Variants in DOCK7 observed in about 807,000 individuals in gnomAD.
DOCK7 encodes dedicator of cytokinesis 7.
A neutral mutation model predicts 271.0 loss-of-function variants in DOCK7; 138 were observed. The observed-to-expected ratio is 0.51, with a 90% CI of 0.44 to 0.59. The LOEUF (loss-of-function observed/expected upper bound fraction) is 0.59, where lower values mean the gene tolerates loss of function less well. Ranked by LOEUF, DOCK7 falls within the 20% of genes least tolerant of loss-of-function variation. The probability of loss-of-function intolerance (pLI) is 0.00; values close to 1 mark genes in which losing one functional copy is unlikely to be tolerated. For synonymous variants in DOCK7, 823 were observed against 876.1 expected, an observed-to-expected ratio of 0.94 and a Z score of 1.07; for missense variants, 2,066 against 2,592.4, an observed-to-expected ratio of 0.80 and a Z score of 4.41.
At chr1:62,618,507 A>G (rs1399455881) in intron 14 of DOCK7, among the ~76,000 whole-genome samples, 199 bp downstream of exon 14, 1 of 152,206 alleles carries the variant, frequency 6.6e-6, no homozygotes, top group Non-Finnish European at 1.5e-5. Flanking sequence ...AAAAAGATAA[A>G]GCATGTAAGG....
chr1:62,644,716 T>G (rs1250776405), intron 7 of DOCK7, among the ~76,000 whole-genome samples: 1 of 152,194 alleles, frequency 6.6e-6, no homozygotes, highest in Non-Finnish European at 1.5e-5. Flanking sequence ...GTAAGAGAAA[T>G]GATTTTCAAA....
At chr1:62,513,690 T>C in intron 32 of DOCK7, 26 bp downstream of exon 32, 23 of 1,609,134 alleles carry the variant, frequency 1.4e-5, no homozygotes, top group Non-Finnish European at 1.8e-5. Context: ...TTTCTTGTTC[T>C]TTGCAATGGT....
At chr1:62,518,741 A>G (rs1326627365) in intron 31 of DOCK7, among the ~76,000 whole-genome samples, 1 of 152,204 alleles carries the variant, frequency 6.6e-6, no homozygotes, top group East Asian at 1.9e-4. Flanking sequence ...CCCTTTCTCA[A>G]CAACAGCAAC....
At chr1:62,468,271 G>GA (rs568274452) in intron 48 of DOCK7, among the ~76,000 whole-genome samples, 6 of 147,746 alleles carry the variant, frequency 4.1e-5, no homozygotes, top group African/African-American at 7.6e-5. Context: ...TGAGGCAGGA[G>GA]AATCGCTTGA....
Position 62,688,258 on chromosome 1 carries a change from C to T in DOCK7, c.7G>A (p.Glu3Lys), listed in dbSNP as rs1662078590. MA[E>K]RRAFAQKISR... ...ATCTTCTGGGCGAAGGCGCGGCGCTCGGCCATGGCTGCTGCGGCGACGGCG... is the reference window on the plus strand; with the variant it reads ...ATCTTCTGGGCGAAGGCGCGGCGCTTGGCCATGGCTGCTGCGGCGACGGCG... Residue 3 changes from glutamate (E) to lysine (K), a missense_variant, in exon 1 of 50, where the codon GAG becomes AAG. By Grantham distance (56) the Glu-to-Lys change is moderately conservative. Coordinates refer to ENST00000635253, the MANE Select transcript of DOCK7 (RefSeq NM_001367561.1). 1.5e-6 allele frequency: 2 copies of T among 1,358,110 alleles called. No homozygotes were observed. Among genetic ancestry groups the T allele is most frequent in the East Asian group, 3.4e-5 (1 of 29,578 alleles). The allele number at this position is 1,358,110 out of a possible 1,614,324, so 84.1% of individuals were successfully genotyped here.
At chr1:62,510,156 A>G (rs1286264799) in intron 34 of DOCK7, among the ~76,000 whole-genome samples, 1 of 152,216 alleles carries the variant, frequency 6.6e-6, no homozygotes, top group East Asian at 1.9e-4. Context: ...CAGTCAATGT[A>G]TCAAGTCTGC....
At position 62,584,819 on chromosome 1, in the gene DOCK7, A is replaced by G. The variant is rs1042125852; in HGVS notation, c.1801-1565T>C. ...CCCATGAAAGAAGTGAGAAGATGCT[A>G]TGGTAGCACCAAAGAGGGAGAGGTC... On this transcript the variant is annotated intron_variant, in intron 15 of 49. Transcript: ENST00000635253. 2.1e-5 allele frequency: 15 copies of G among 730,728 alleles called. No individual in the cohort carries two copies. The highest frequency in any genetic ancestry group is 2.8e-5 in the Non-Finnish European group (11 of 397,176). The allele number at this position is 730,728 out of a possible 1,614,324, so 45.3% of individuals were successfully genotyped here. A position where few individuals can be genotyped will look rare whatever the true frequency, so the allele number is the denominator to read the frequency against.
At chr1:62,518,920 G>A (rs1571375874) in intron 31 of DOCK7, among the ~76,000 whole-genome samples, 1 of 150,552 alleles carries the variant, frequency 6.6e-6, no homozygotes, top group East Asian at 1.9e-4. Context: ...TAAGATACAA[G>A]AAAAAAATCT....
intron 14 of DOCK7, among the ~76,000 whole-genome samples, chr1:62,587,222 C>T (rs1222529164): frequency 6.8e-6 from 1 of 148,144 alleles, no homozygotes; most frequent in African/African-American, 2.5e-5. Flanking sequence ...CTCATCATCT[C>T]TATCATAGAC....
At position 62,625,270 on chromosome 1, in the gene DOCK7, AATTT is replaced by A; in HGVS notation, c.1410_1413del (p.Asn471PhefsTer9). ...TGACAGAACAATACCTGCTTAAAAAAATTTGTCACTGTGAGAGTAGCTGGTCGAA... is the reference window on the plus strand; with the variant it reads ...TGACAGAACAATACCTGCTTAAAAAAGTCACTGTGAGAGTAGCTGGTCGAA... On this transcript the variant is annotated frameshift_variant, in exon 12 of 50. Transcript: ENST00000635253. LOFTEE classifies it high-confidence loss of function. The A allele has an allele frequency of 6.2e-7, 1 of 1,613,898 alleles. No individual in the cohort carries two copies. Among genetic ancestry groups the A allele is most frequent in the Non-Finnish European group, 8.5e-7 (1 of 1,179,928 alleles).
At chr1:62,567,188 C>T (rs1026844249) in intron 18 of DOCK7, among the ~76,000 whole-genome samples, 7 of 152,182 alleles carry the variant, frequency 4.6e-5, no homozygotes, top group African/African-American at 1.7e-4. Flanking sequence ...CCTGCAATCC[C>T]ATTACTGGGT....
chr1:62,633,670 A>C (rs182286351), intron 9 of DOCK7, 92 bp from the exon 10 acceptor site: 198 of 816,076 alleles, frequency 2.4e-4, no homozygotes, highest in Non-Finnish European at 1.5e-4. Context: ...ACACATTAAC[A>C]GAATGACAGA....
intron 8 of DOCK7, among the ~76,000 whole-genome samples, chr1:62,635,857 C>A (rs1655202428): frequency 6.6e-6 from 1 of 152,044 alleles, no homozygotes; most frequent in South Asian, 2.1e-4. Context: ...TCAAGCAATT[C>A]TCCCACTTTG....
At chr1:62,477,899 T>C (rs1331383225) in intron 43 of DOCK7, 74 bp from the exon 44 acceptor site, 12 of 1,441,170 alleles carry the variant, frequency 8.3e-6, no homozygotes, top group Non-Finnish European at 1.0e-5. Flanking sequence ...TATGTTTAGA[T>C]TGTTACAGCA....
At chr1:62,562,065 ATC>A (rs1303862665) in intron 18 of DOCK7, among the ~76,000 whole-genome samples, 1 of 151,414 alleles carries the variant, frequency 6.6e-6, no homozygotes, top group South Asian at 2.1e-4. Context: ...TTATTTTGAA[ATC>A]TGTTTTTCAT....
At chr1:62,599,380 T>C (rs1649775648) in intron 14 of DOCK7, among the ~76,000 whole-genome samples, 1 of 152,004 alleles carries the variant, frequency 6.6e-6, no homozygotes. Context: ...CACTCTCTGA[T>C]TTCCCTTAGG....
At chr1:62,609,825 T>C (rs1651523545) in intron 14 of DOCK7, among the ~76,000 whole-genome samples, 1 of 152,002 alleles carries the variant, frequency 6.6e-6, no homozygotes. Context: ...GAAATAGAGC[T>C]CTTGACTCAG....
chr1:62,655,425 C>CTTTTT (rs200798806), intron 2 of DOCK7, among the ~76,000 whole-genome samples: 2 of 86,330 alleles, frequency 2.3e-5, no homozygotes, highest in African/African-American at 3.1e-5. Context: ...TTTTTCTTTT[C>CTTTTT]TTTTTTTTTT....
intron 11 of DOCK7, among the ~76,000 whole-genome samples, chr1:62,626,750 T>G (rs1654004941): frequency 6.6e-6 from 1 of 152,068 alleles, no homozygotes; most frequent in South Asian, 2.1e-4. Context: ...GAGATCGAGT[T>G]AGTAATGAAA....
Sources: gnomAD v4.1 joint callset for allele counts (sites outside exome capture counted in the v4.1 genomes callset) on GRCh38, gnomAD v4.1.1 for gene constraint, MANE v1.5 for transcripts, NCBI Gene and HGNC (gene_info 2026-07-23, HGNC 2026-07-21) for gene names.